The following IQCK variants were observed in gnomAD, a reference collection of about 807,000 sequenced individuals.
The protein encoded by IQCK is IQ domain-containing protein K.
IQCK carries 29 observed loss-of-function variants against 28.1 expected under a neutral mutation model. The ratio of observed to expected loss-of-function variants is 1.03; its 90% CI spans 0.77 to 1.41. The LOEUF is 1.41. IQCK is among the 40% of genes most tolerant of loss of function. The probability of loss-of-function intolerance (pLI) is 0.00; values close to 1 mark genes in which losing one functional copy is unlikely to be tolerated. For missense variants in IQCK, 359 were observed against 314.7 expected (o/e 1.14, Z -1.07); for synonymous variants, 113 against 115.1 (o/e 0.98, Z 0.12).
intron 9 of IQCK, among the ~76,000 whole-genome samples, chr16:19,832,416 C>G (rs924936818): frequency 6.6e-6 from 1 of 152,004 alleles, no homozygotes; most frequent in Non-Finnish European, 1.5e-5. Flanking sequence ...AATGAATTGT[C>G]TACTTTTTGT....
intron 4 of IQCK, among the ~76,000 whole-genome samples, chr16:19,759,020 T>C (rs1597527344): frequency 6.6e-6 from 1 of 152,110 alleles, no homozygotes; most frequent in African/African-American, 2.4e-5. Context: ...AGTAAAATAT[T>C]GTGGGAAGAA....
In IQCK at chr16:19,718,317, C is replaced by T. The variant is rs907587880; in HGVS notation, c.11C>T (p.Pro4Leu). Residue 4 changes from proline (P) to leucine (L), a missense_variant, in exon 1 of 8, where the codon CCG becomes CTG. By Grantham distance (98) the Pro-to-Leu change is moderately conservative. Transcript: ENST00000564186. ...GTGGAAACCGCGGCCATGGCGGCAC[C>T]GCGGCAAATCCCCAGCCACATAGTG... 20 of 1,606,756 alleles carry T rather than the reference C, an allele frequency of 1.2e-5. No individual in the cohort carries two copies. Among genetic ancestry groups the T allele is most frequent in the Middle Eastern group, 1.9e-4 (1 of 5,360 alleles).
intron 7 of IQCK, among the ~76,000 whole-genome samples, chr16:19,808,791 G>T (rs1487770886): frequency 1.3e-5 from 2 of 152,214 alleles, no homozygotes; most frequent in Admixed American, 1.3e-4. Context: ...TGCCCATGAA[G>T]CCAGGCCTGC....
exon 10 of IQCK, chr16:19,856,781 C>A (rs879282191): frequency 1.4e-5 from 7 of 516,030 alleles, no homozygotes; most frequent in Non-Finnish European, 2.1e-5. Context: ...ATTCATTCAT[C>A]CAGATTACTT....
At chr16:19,729,182 A>G (rs929833769) in intron 1 of IQCK, among the ~76,000 whole-genome samples, 3 of 152,118 alleles carry the variant, frequency 2.0e-5, no homozygotes, top group Non-Finnish European at 4.4e-5. Context: ...TGTGTCGCTG[A>G]CTGAAACCTC....
chr16:19,847,790 C>T (rs1304657627), intron 9 of IQCK, among the ~76,000 whole-genome samples: 1 of 152,124 alleles, frequency 6.6e-6, no homozygotes. Context: ...AAAAATGCTG[C>T]TACTTTGTTG....
At chr16:19,809,870 G>A (rs1284165591) in intron 7 of IQCK, among the ~76,000 whole-genome samples, 3 of 152,324 alleles carry the variant, frequency 2.0e-5, no homozygotes, top group Admixed American at 1.3e-4. Context: ...CTCAGGTGAT[G>A]CAGATGCTGC....
intron 7 of IQCK, among the ~76,000 whole-genome samples, chr16:19,820,348 C>T (rs1217561921): frequency 6.6e-6 from 1 of 151,908 alleles, no homozygotes; most frequent in Admixed American, 6.6e-5. Flanking sequence ...AAAACCCCAT[C>T]TCTACTAAAA....
chr16:19,727,657 G>A (rs1977703006), intron 1 of IQCK, among the ~76,000 whole-genome samples: 1 of 151,810 alleles, frequency 6.6e-6, no homozygotes, highest in Admixed American at 6.6e-5. Context: ...GGTTGCAATA[G>A]GATTAGGTGT....
At chr16:19,815,677 CAAA>C (rs969626426) in intron 7 of IQCK, among the ~76,000 whole-genome samples, 45 of 152,046 alleles carry the variant, frequency 3.0e-4, no homozygotes, top group African/African-American at 1.1e-3. Context: ...TCTCAAAAAC[CAAA>C]AACAAACATT....
intron 9 of IQCK, among the ~76,000 whole-genome samples, chr16:19,845,857 T>C (rs2056410318): frequency 6.6e-6 from 1 of 152,056 alleles, no homozygotes; most frequent in Non-Finnish European, 1.5e-5. Flanking sequence ...GGCGGATCAC[T>C]TGAGCTCAGG....
intron 7 of IQCK, among the ~76,000 whole-genome samples, chr16:19,824,067 T>G (rs943285743): frequency 5.3e-5 from 8 of 152,204 alleles, no homozygotes; most frequent in Non-Finnish European, 1.0e-4. Flanking sequence ...GGGATGGTTT[T>G]GGGATGATAC....
intron 1 of IQCK, among the ~76,000 whole-genome samples, chr16:19,719,809 G>A (rs1977429447): frequency 6.6e-6 from 1 of 151,310 alleles, no homozygotes; most frequent in African/African-American, 2.4e-5. Context: ...GAGTAGCTGG[G>A]ATTACAGGCA....
chr16:19,767,237 T>C (rs1235316784), intron 6 of IQCK, among the ~76,000 whole-genome samples: 1 of 152,204 alleles, frequency 6.6e-6, no homozygotes, highest in Non-Finnish European at 1.5e-5. Context: ...TTGCCATCTA[T>C]AGGCGGTTTG....
At chr16:19,823,911 C>T (rs748801579) in intron 7 of IQCK, among the ~76,000 whole-genome samples, 61 of 151,322 alleles carry the variant, frequency 4.0e-4, no homozygotes, top group Non-Finnish European at 6.2e-4. Flanking sequence ...CCAGCCTAGG[C>T]GGCAGAGTGA....
At chr16:19,767,668 C>A (rs548782746) in intron 6 of IQCK, among the ~76,000 whole-genome samples, 1 of 151,948 alleles carries the variant, frequency 6.6e-6, no homozygotes, top group Admixed American at 6.6e-5. Context: ...ATGCCCAGGA[C>A]GGGGGGTGTG....
At chr16:19,719,774 A>C (rs927350898) in intron 1 of IQCK, among the ~76,000 whole-genome samples, 1 of 147,708 alleles carries the variant, frequency 6.8e-6, no homozygotes, top group Non-Finnish European at 1.5e-5. Flanking sequence ...TCCCGGGTTC[A>C]AGCATTCTCA....
intron 4 of IQCK, among the ~76,000 whole-genome samples, chr16:19,744,776 C>T (rs2151693283): frequency 6.6e-6 from 1 of 152,276 alleles, no homozygotes; most frequent in South Asian, 2.1e-4. Flanking sequence ...GTGAAATTAG[C>T]TGGGTGCTAG....
At chr16:19,808,068 A>T (rs547444907) in intron 7 of IQCK, among the ~76,000 whole-genome samples, 3 of 152,128 alleles carry the variant, frequency 2.0e-5, no homozygotes, top group Admixed American at 6.6e-5. Flanking sequence ...CATACCCCAG[A>T]ATGAAGGCGC....
Sources: gnomAD v4.1 joint callset for allele counts (sites outside exome capture counted in the v4.1 genomes callset) on GRCh38, gnomAD v4.1.1 for gene constraint, MANE v1.5 for transcripts, NCBI Gene and HGNC (gene_info 2026-07-23, HGNC 2026-07-21) for gene names.